Variants in CCDC73 observed in about 807,000 individuals in gnomAD.
CCDC73 encodes coiled-coil domain containing 73, also known as coiled-coil domain-containing protein 73.
In CCDC73, 95 loss-of-function variants were observed where a neutral mutation model predicts 116.5. That is an observed-to-expected ratio of 0.82 (90% CI 0.69 to 0.97). The LOEUF (loss-of-function observed/expected upper bound fraction) is 0.97, where lower values mean the gene tolerates loss of function less well. Ranked by LOEUF, CCDC73 falls within the 50% of genes least tolerant of loss-of-function variation. The pLI is 0.00. For synonymous variants in CCDC73, 398 were observed against 401.3 expected (o/e 0.99, Z 0.10); for missense variants, 1,066 against 1,206.8 (o/e 0.88, Z 1.73).
intron 7 of CCDC73, among the ~76,000 whole-genome samples, chr11:32,678,793 G>C (rs1856115788): frequency 6.6e-6 from 1 of 150,970 alleles, no homozygotes; most frequent in African/African-American, 2.4e-5. Context: ...TGAGGCAGGA[G>C]AATCACTTAA....
chr11:32,720,447 C>A (rs1419804357), intron 2 of CCDC73, among the ~76,000 whole-genome samples: 2 of 152,048 alleles, frequency 1.3e-5, no homozygotes, highest in African/African-American at 4.8e-5. Flanking sequence ...TGAATGCTTT[C>A]CCTTTAAGAT....
At chr11:32,693,756 C>G (rs747365107) in intron 6 of CCDC73, among the ~76,000 whole-genome samples, 1 of 152,202 alleles carries the variant, frequency 6.6e-6, no homozygotes, top group East Asian at 1.9e-4. Context: ...AAGGCTGGTT[C>G]AACATATGCA....
chr11:32,609,808 C>T (rs1236371751), intron 17 of CCDC73, among the ~76,000 whole-genome samples: 1 of 152,036 alleles, frequency 6.6e-6, no homozygotes, highest in Non-Finnish European at 1.5e-5. Context: ...GAGATGGAGT[C>T]TCGCTCTGTC....
intron 3 of CCDC73, among the ~76,000 whole-genome samples, chr11:32,710,781 A>C (rs1442041628): frequency 6.6e-6 from 1 of 152,174 alleles, no homozygotes; most frequent in East Asian, 1.9e-4. Flanking sequence ...CTGTCAGTGG[A>C]GTATTAAAGT....
intron 8 of CCDC73, 37 bp from the exon 9 acceptor site, chr11:32,675,681 C>A: frequency 6.9e-7 from 1 of 1,451,226 alleles, no homozygotes; most frequent in East Asian, 2.3e-5. Flanking sequence ...GCATTATATT[C>A]AATGTATATT....
intron 17 of CCDC73, chr11:32,606,327 A>G (rs1426845297): frequency 6.6e-6 from 1 of 152,248 alleles, no homozygotes; most frequent in Non-Finnish European, 1.5e-5. Context: ...GCCAGAGTAA[A>G]TATTTTCAGC....
intron 2 of CCDC73, among the ~76,000 whole-genome samples, chr11:32,726,428 G>GT (rs1037542329): frequency 3.8e-4 from 58 of 152,260 alleles, no homozygotes; most frequent in African/African-American, 1.3e-3. Flanking sequence ...AATAGATTGA[G>GT]TTTATCAGCA....
chr11:32,675,852 C>T, intron 8 of CCDC73, 34 bp downstream of exon 8: 4 of 1,508,272 alleles, frequency 2.7e-6, no homozygotes, highest in Non-Finnish European at 3.6e-6. Context: ...ACATTCTCTA[C>T]TGAATATGTA....
At position 32,627,141 on chromosome 11, in the gene CCDC73, C is replaced by T. The variant is rs191424984; in HGVS notation, c.1185+8555G>A. ...TTTACAAGAAAAAAACAAACAACCCCATCAACAAGTGGGCGAAGGATATGA... is the reference window on the plus strand; with the variant it reads ...TTTACAAGAAAAAAACAAACAACCCTATCAACAAGTGGGCGAAGGATATGA... On this transcript the variant is annotated intron_variant, in intron 14 of 17. Coordinates refer to ENST00000335185, the MANE Select transcript of CCDC73 (RefSeq NM_001008391.4). 4.5e-3 allele frequency among the ~76,000 whole-genome samples: 687 copies of T among 152,228 alleles called. 3 individuals are homozygous for T. The highest frequency in any genetic ancestry group is 0.016 in the African/African-American group (651 of 41,528).
At chr11:32,803,441 G>A in the CCDC73 span, among the ~76,000 whole-genome samples, 1 of 152,148 alleles carries the variant, frequency 6.6e-6, no homozygotes, top group African/African-American at 2.4e-5. Context: ...ATAGACTAAT[G>A]TACTAAACAG....
chr11:32,760,932 G>A (rs1156337305), intron 1 of CCDC73, among the ~76,000 whole-genome samples: 1 of 152,074 alleles, frequency 6.6e-6, no homozygotes, highest in Admixed American at 6.6e-5. Flanking sequence ...TACAATCCAC[G>A]GAGCTTATTA....
At chr11:32,733,389 G>T (rs1850097410) in intron 2 of CCDC73, among the ~76,000 whole-genome samples, 2 of 152,160 alleles carry the variant, frequency 1.3e-5, no homozygotes, top group Admixed American at 6.5e-5. Context: ...GGGTATCCAG[G>T]AATTGAACTC....
At chr11:32,786,750 T>C (rs946608113) in intron 1 of CCDC73, among the ~76,000 whole-genome samples, 2 of 152,018 alleles carry the variant, frequency 1.3e-5, no homozygotes, top group Admixed American at 6.6e-5. Context: ...TACTCTACAG[T>C]GGAAAGTAAG....
intron 6 of CCDC73, among the ~76,000 whole-genome samples, chr11:32,686,429 G>GT (rs1300304931): frequency 6.6e-6 from 1 of 151,384 alleles, no homozygotes; most frequent in Non-Finnish European, 1.5e-5. Context: ...GAAGTCTTCT[G>GT]TATGTAGATA....
intron 12 of CCDC73, among the ~76,000 whole-genome samples, chr11:32,643,737 G>T (rs1461008300): frequency 6.6e-6 from 1 of 152,042 alleles, no homozygotes; most frequent in Non-Finnish European, 1.5e-5. Flanking sequence ...GTGAGGGAGT[G>T]GTCAGTGAAT....
the CCDC73 span, among the ~76,000 whole-genome samples, chr11:32,823,465 C>G: frequency 6.6e-6 from 1 of 151,992 alleles, no homozygotes; most frequent in Non-Finnish European, 1.5e-5. Context: ...CAGAGCGAGA[C>G]TCTGTCTCAA....
At chr11:32,629,943 A>C (rs906539833) in intron 14 of CCDC73, among the ~76,000 whole-genome samples, 3 of 151,194 alleles carry the variant, frequency 2.0e-5, no homozygotes, top group Admixed American at 2.0e-4. Context: ...AACAAAAAAA[A>C]AACGTTAAAA....
intron 1 of CCDC73, among the ~76,000 whole-genome samples, chr11:32,793,672 G>C (rs2133410367): frequency 6.6e-6 from 1 of 152,060 alleles, no homozygotes; most frequent in Admixed American, 6.6e-5. Context: ...GTGCAGTGGA[G>C]TGATCTAGGC....
At chr11:32,736,488 G>A (rs1326077398) in intron 2 of CCDC73, among the ~76,000 whole-genome samples, 5 of 152,248 alleles carry the variant, frequency 3.3e-5, no homozygotes, top group African/African-American at 9.6e-5. Context: ...TTAGAACGGC[G>A]ATCATCAAAA....
Sources: gnomAD v4.1 joint callset for allele counts (sites outside exome capture counted in the v4.1 genomes callset) on GRCh38, gnomAD v4.1.1 for gene constraint, MANE v1.5 for transcripts, NCBI Gene and HGNC (gene_info 2026-07-23, HGNC 2026-07-21) for gene names.